The following NF1 variants were observed in gnomAD, a reference collection of about 807,000 sequenced individuals.
NF1 encodes neurofibromin.
A neutral mutation model predicts 325.7 loss-of-function variants in NF1; 122 were observed. That is an observed-to-expected ratio of 0.37 (90% CI 0.32 to 0.44). NF1 has a LOEUF of 0.44. Among genes scored for constraint, NF1 ranks in the 20% least tolerant of loss-of-function variants. NF1 has a pLI of 1.00. For missense variants in NF1, 2,140 were observed against 3,415.4 expected, an observed-to-expected ratio of 0.63 and a Z score of 9.31; for synonymous variants, 1,091 against 1,186.0, an observed-to-expected ratio of 0.92 and a Z score of 1.65.
At chr17:31,271,379 ATATGT>A (rs1382279437) in intron 36 of NF1, among the ~76,000 whole-genome samples, 3 of 152,214 alleles carry the variant, frequency 2.0e-5, no homozygotes, top group Non-Finnish European at 4.4e-5. Flanking sequence ...CATTCATGAA[ATATGT>A]TAATACAGAT....
At chr17:31,150,080 C>T (rs1203874874) in intron 1 of NF1, among the ~76,000 whole-genome samples, 4 of 152,188 alleles carry the variant, frequency 2.6e-5, no homozygotes, top group African/African-American at 9.7e-5. Flanking sequence ...AAATTTTATA[C>T]AGGTCGAGTA....
At chr17:31,315,463 C>CA (rs958371773) in intron 36 of NF1, among the ~76,000 whole-genome samples, 1 of 152,144 alleles carries the variant, frequency 6.6e-6, no homozygotes, top group Non-Finnish European at 1.5e-5. Context: ...CCCCATTCTC[C>CA]ATGATGTGAT....
chr17:31,119,635 T>C (rs1408973797), intron 1 of NF1, among the ~76,000 whole-genome samples: 5 of 152,208 alleles, frequency 3.3e-5, no homozygotes, highest in African/African-American at 1.2e-4. Context: ...TTGTCAATTT[T>C]GGCTTTTGTT....
chr17:31,333,094 T>G, intron 39 of NF1, among the ~76,000 whole-genome samples: 1 of 152,166 alleles, frequency 6.6e-6, no homozygotes, highest in Non-Finnish European at 1.5e-5. Context: ...AGAAATTCAC[T>G]AATAAAAGCC....
intron 51 of NF1, among the ~76,000 whole-genome samples, chr17:31,353,093 G>C (rs2070191850): frequency 6.6e-6 from 1 of 151,994 alleles, no homozygotes; most frequent in Non-Finnish European, 1.5e-5. Context: ...ATTTTTAGTA[G>C]AGACAGAGTT....
chr17:31,312,742 A>T (rs2068911111), intron 36 of NF1, among the ~76,000 whole-genome samples: 1 of 152,154 alleles, frequency 6.6e-6, no homozygotes, highest in South Asian at 2.1e-4. Flanking sequence ...CACAGTAATT[A>T]CTTAGAAGAA....
intron 1 of NF1, among the ~76,000 whole-genome samples, chr17:31,128,002 C>T (rs1434950754): frequency 2.6e-5 from 4 of 151,940 alleles, no homozygotes; most frequent in Admixed American, 2.0e-4. Context: ...AATGCAGTGG[C>T]GCAATCACAG....
chr17:31,370,344 G>A (rs1479231699), intron 57 of NF1, among the ~76,000 whole-genome samples: 1 of 151,910 alleles, frequency 6.6e-6, no homozygotes, highest in African/African-American at 2.4e-5. Context: ...AAAATAAAAG[G>A]AAAAAGTTAC....
chr17:31,222,332 A>G lies in NF1; in HGVS notation c.1721+403A>G, dbSNP rs115431652. 265 of 1,039,442 alleles carry G rather than the reference A, an allele frequency of 2.5e-4. 1 individual carries two copies. In the African/African-American group the frequency reaches 4.0e-3, roughly 16 times the overall value. The allele number at this position is 1,039,442 out of a possible 1,614,324, so 64.4% of individuals were successfully genotyped here. ...CTTTCATAAACTTTCTGTAATACCA[A>G]TGCTTTCGATGAATGAATTAATAAT... is the stretch of plus-strand genomic sequence containing the variant. On this transcript the variant is annotated intron_variant, in intron 15 of 57. Coordinates refer to ENST00000358273, the MANE Select transcript of NF1 (RefSeq NM_001042492.3).
chr17:31,334,691 A>T (rs919847653), intron 39 of NF1, 147 bp from the exon 40 acceptor site: 7 of 667,726 alleles, frequency 1.0e-5, no homozygotes, highest in African/African-American at 9.1e-5. Flanking sequence ...CTCTACAAAA[A>T]TATATTTGCC....
chr17:31,330,475 G>A lies in NF1; in HGVS notation c.5789G>A (p.Cys1930Tyr), dbSNP rs755138009. The change falls in exon 39 of 58, where the codon TGT (cysteine) becomes TAT (tyrosine). Residue 1930 changes from cysteine to tyrosine, a missense_variant. Physicochemically the swap from Cys to Tyr is radical, Grantham distance 194. Around this residue, in one of 10 missense-constraint regions of NF1, gnomAD observed 180 missense variants for 435.1 expected, o/e 0.41. Coordinates refer to ENST00000358273, the MANE Select transcript of NF1 (RefSeq NM_001042492.3). ...CTCACGTTAGAATTTTTGGAAGAGTGTATTTCTGGATTTAGCAAATCTAGT... is the reference window on the plus strand; with the variant it reads ...CTCACGTTAGAATTTTTGGAAGAGTATATTTCTGGATTTAGCAAATCTAGT... ...PHLTLEFLEE[C>Y]ISGFSKSSIE... The A allele has an allele frequency of 6.2e-7, 1 of 1,613,096 alleles. No homozygotes were observed. The highest frequency in any genetic ancestry group is 1.1e-5 in the South Asian group (1 of 90,996).
At chr17:31,247,269 G>A (rs2067411002) in intron 29 of NF1, among the ~76,000 whole-genome samples, 1 of 151,490 alleles carries the variant, frequency 6.6e-6, no homozygotes, top group Non-Finnish European at 1.5e-5. Flanking sequence ...TGACATCAGA[G>A]ATGGCCTGAA....
chr17:31,345,769 A>G, intron 48 of NF1: 1 of 1,612,168 alleles, frequency 6.2e-7, no homozygotes, highest in Non-Finnish European at 8.5e-7. Flanking sequence ...CGTGGCCAGC[A>G]CTGGCTCCTT....
chr17:31,263,070 GATA>G, intron 35 of NF1, among the ~76,000 whole-genome samples: 7 of 140,778 alleles, frequency 5.0e-5, no homozygotes, highest in African/African-American at 1.6e-4. Flanking sequence ...TAGGTAGGTA[GATA>G]GATAGGTAGG....
At chr17:31,273,056 A>G (rs936523633) in intron 36 of NF1, among the ~76,000 whole-genome samples, 12 of 152,182 alleles carry the variant, frequency 7.9e-5, no homozygotes, top group Admixed American at 1.3e-4. Context: ...TAGACATTCA[A>G]TGCAATAAAT....
At chr17:31,214,720 A>G in intron 13 of NF1, 135 bp downstream of exon 13, 1 of 727,048 alleles carries the variant, frequency 1.4e-6, no homozygotes, top group Admixed American at 2.9e-5. Flanking sequence ...CTGAAAACTA[A>G]GACGTCTCTA....
At chr17:31,178,605 A>G (rs969321589) in intron 5 of NF1, among the ~76,000 whole-genome samples, 2 of 152,216 alleles carry the variant, frequency 1.3e-5, no homozygotes, top group African/African-American at 4.8e-5. Context: ...ACTGTGCTGT[A>G]TTCAGGAGAC....
chr17:31,112,236 G>T (rs1396424317), intron 1 of NF1, among the ~76,000 whole-genome samples: 1 of 152,092 alleles, frequency 6.6e-6, no homozygotes, highest in Non-Finnish European at 1.5e-5. Context: ...AAATAAAGTT[G>T]TCTTGAAGAT....
At chr17:31,361,101 A>AAAAAAAAAAAAAAAAAAAAAAAAAC (rs2070388081) in intron 57 of NF1, 1 of 159,994 alleles carries the variant, frequency 6.3e-6, no homozygotes, top group Non-Finnish European at 1.3e-5. Context: ...AAAAAAAAAA[A>AAAAAAAAAAAAAAAAAAAAAAAAAC]AAAAAAAGAA....
Sources: allele counts gnomAD v4.1 joint callset (sites outside exome capture counted in the v4.1 genomes callset), GRCh38; gene constraint gnomAD v4.1.1; regional missense constraint gnomAD v4.1.1; transcripts MANE v1.5; gene names NCBI Gene and HGNC (gene_info 2026-07-23, HGNC 2026-07-21).